Variants in PRKCE observed in about 807,000 individuals in gnomAD.
PRKCE encodes protein kinase C epsilon type.
In PRKCE, 16 loss-of-function variants were observed where a neutral mutation model predicts 85.4. The ratio of observed to expected loss-of-function variants is 0.19; its 90% CI spans 0.13 to 0.28. The LOEUF is 0.28. Ranked by LOEUF, PRKCE falls within the 10% of genes least tolerant of loss-of-function variation. PRKCE has a pLI of 1.00. For missense variants in PRKCE, 573 were observed against 975.2 expected (o/e 0.59, Z 5.49); for synonymous variants, 388 against 371.5 (o/e 1.04, Z -0.51).
intron 2 of PRKCE, among the ~76,000 whole-genome samples, chr2:45,887,186 A>C (rs1343452685): frequency 1.3e-5 from 2 of 152,174 alleles, no homozygotes; most frequent in African/African-American, 4.8e-5. Flanking sequence ...GACCCAGGAT[A>C]CATGCTTGGT....
At chr2:45,756,591 C>A (rs1460668275) in intron 1 of PRKCE, among the ~76,000 whole-genome samples, 1 of 152,140 alleles carries the variant, frequency 6.6e-6, no homozygotes, top group African/African-American at 2.4e-5. Flanking sequence ...ACAACCCAAT[C>A]TTTCATCAAG....
chr2:46,001,371 A>ACTTATCTG lies in PRKCE; in HGVS notation c.824-32_824-25dup. On this transcript the variant is annotated intron_variant, in intron 6 of 14. Coordinates refer to ENST00000306156, the MANE Select transcript of PRKCE (RefSeq NM_005400.3). This position sits in a 1 kb window ranked among gnomAD's most constrained non-coding sequence, Gnocchi z 4.4. ...AGAAGCAACATCTTAGGCCATGAAC[A>ACTTATCTG]CTTATCTGTCTTTTCTCCATGTCTC... 1 of 1,582,650 alleles carries ACTTATCTG rather than the reference A, an allele frequency of 6.3e-7. No homozygotes were observed. Among genetic ancestry groups the ACTTATCTG allele is most frequent in the Non-Finnish European group, 8.6e-7 (1 of 1,167,912 alleles).
At chr2:45,908,989 C>T (rs534787759) in intron 2 of PRKCE, among the ~76,000 whole-genome samples, 4 of 152,322 alleles carry the variant, frequency 2.6e-5, no homozygotes, top group East Asian at 1.9e-4. Flanking sequence ...CATAAAAATG[C>T]GTGACTGAGC....
intron 1 of PRKCE, among the ~76,000 whole-genome samples, chr2:45,823,933 C>T (rs1689736727): frequency 6.6e-6 from 1 of 152,258 alleles, no homozygotes; most frequent in Admixed American, 6.5e-5. Flanking sequence ...GCGTCTGGCT[C>T]AGCTGAGATG....
rs746888462 is a variant in PRKCE at position 45,786,368 on chromosome 2, C to T, written c.349-56632C>T. On this transcript the variant is annotated intron_variant, in intron 1 of 14. Transcript: ENST00000306156. The surrounding 1 kb of genome is among the most constrained non-coding windows in gnomAD (Gnocchi z 5.3). Reference sequence around the variant, plus strand: ...ACAGTTGCTGTTTAACCGCCTCATCCGTGGGGTTCCAAGAAAACTGTGACA... The same window carrying T: ...ACAGTTGCTGTTTAACCGCCTCATCTGTGGGGTTCCAAGAAAACTGTGACA... Among the ~76,000 whole-genome samples the T allele has an allele frequency of 2.0e-5, 3 of 152,142 alleles. No individual in the cohort carries two copies. Among genetic ancestry groups the T allele is most frequent in the African/African-American group, 7.2e-5 (3 of 41,424 alleles).
At chr2:46,061,350 A>G (rs1476037879) in intron 10 of PRKCE, among the ~76,000 whole-genome samples, 3 of 152,098 alleles carry the variant, frequency 2.0e-5, no homozygotes, top group East Asian at 1.9e-4. Context: ...GGCTCGAGCA[A>G]TCTGCCTGCC....
At chr2:45,838,252 G>A (rs1421751073) in intron 1 of PRKCE, among the ~76,000 whole-genome samples, 9 of 152,194 alleles carry the variant, frequency 5.9e-5, no homozygotes, top group Admixed American at 5.9e-4. Flanking sequence ...GGACTGGATT[G>A]TCAGAGGAGG....
In PRKCE at chr2:45,655,915, G is replaced by A. The variant is rs369568224; in HGVS notation, c.348+3467G>A. Among the ~76,000 whole-genome samples, 18 of 150,920 alleles carry A rather than the reference G, an allele frequency of 1.2e-4. No homozygotes were observed. In the East Asian group the frequency reaches 3.1e-3, roughly 26 times the overall value. On this transcript the variant is annotated intron_variant, in intron 1 of 14. Transcript: ENST00000306156. ...AATCCAGGAGGGTTTTTGGAAGGAG[G>A]CATGAGCTGAGTGTGAAACAGTAGG...
At chr2:45,714,764 G>A (rs1283721108) in intron 1 of PRKCE, among the ~76,000 whole-genome samples, 1 of 152,188 alleles carries the variant, frequency 6.6e-6, no homozygotes, top group Non-Finnish European at 1.5e-5. Context: ...GGGATGATGA[G>A]CCTTGAGCCT....
At chr2:45,708,056 G>A (rs984671797) in intron 1 of PRKCE, among the ~76,000 whole-genome samples, 1 of 152,234 alleles carries the variant, frequency 6.6e-6, no homozygotes, top group Non-Finnish European at 1.5e-5. Flanking sequence ...GCAGGGTGCT[G>A]CACATGTTTC....
intron 2 of PRKCE, among the ~76,000 whole-genome samples, chr2:45,891,937 T>G (rs1695753509): frequency 6.6e-6 from 1 of 152,248 alleles, no homozygotes. Flanking sequence ...TCCTACACAG[T>G]GCTGCCGCAG....
At chr2:45,997,267 T>G (rs1480266512) in intron 6 of PRKCE, among the ~76,000 whole-genome samples, 2 of 152,046 alleles carry the variant, frequency 1.3e-5, no homozygotes, top group Non-Finnish European at 2.9e-5. Context: ...AGAACCAGCT[T>G]TTTGTTGTTG....
intron 1 of PRKCE, among the ~76,000 whole-genome samples, chr2:45,737,457 C>T (rs1682172423): frequency 6.6e-6 from 1 of 152,212 alleles, no homozygotes; most frequent in Admixed American, 6.5e-5. Context: ...CGGGTGGGAA[C>T]AGTGTCCCCA....
At chr2:45,782,736 TAC>T (rs1005545651) in intron 1 of PRKCE, among the ~76,000 whole-genome samples, 18 of 151,874 alleles carry the variant, frequency 1.2e-4, no homozygotes, top group African/African-American at 4.1e-4. Flanking sequence ...AAACAATCTA[TAC>T]ACACACACAA....
chr2:45,767,947 G>T (rs1020786729), intron 1 of PRKCE, among the ~76,000 whole-genome samples: 2 of 152,172 alleles, frequency 1.3e-5, no homozygotes, highest in Non-Finnish European at 2.9e-5. Context: ...AGCAAAATTT[G>T]GCTTGATACC....
intron 2 of PRKCE, among the ~76,000 whole-genome samples, chr2:45,936,340 C>G (rs935381482): frequency 6.6e-6 from 1 of 152,314 alleles, no homozygotes; most frequent in East Asian, 1.9e-4. Flanking sequence ...CGTGCCCCAG[C>G]CATGCTGGGA....
At chr2:45,828,747 A>C (rs1195740550) in intron 1 of PRKCE, among the ~76,000 whole-genome samples, 1 of 152,188 alleles carries the variant, frequency 6.6e-6, no homozygotes, top group Non-Finnish European at 1.5e-5. Context: ...AGTGAACTAC[A>C]TAATGTTCTT....
At chr2:46,165,907 ACTT>A (rs2104620313) in intron 14 of PRKCE, among the ~76,000 whole-genome samples, 1 of 152,200 alleles carries the variant, frequency 6.6e-6, no homozygotes, top group African/African-American at 2.4e-5. Flanking sequence ...GGCCAAGTAA[ACTT>A]CTCTTTGTGT....
At chr2:45,960,699 C>T (rs72874349) in intron 2 of PRKCE, among the ~76,000 whole-genome samples, 8,707 of 152,222 alleles carry the variant, frequency 0.057, 816 homozygotes, top group African/African-American at 0.2. Context: ...GATTGGGGGC[C>T]CCTGCTGTAA....
Sources: allele counts gnomAD v4.1 joint callset (sites outside exome capture counted in the v4.1 genomes callset), GRCh38; gene constraint gnomAD v4.1.1; non-coding constraint Gnocchi (gnomAD v3.1); transcripts MANE v1.5; gene names NCBI Gene and HGNC (gene_info 2026-07-23, HGNC 2026-07-21).